The following RFC1 variants were observed in gnomAD, a reference collection of about 807,000 sequenced individuals.
The protein encoded by RFC1 is replication factor C subunit 1.
In RFC1, 37 loss-of-function variants were observed where a neutral mutation model predicts 137.4. The ratio of observed to expected loss-of-function variants is 0.27; its 90% CI spans 0.21 to 0.35. RFC1 has a LOEUF of 0.35. Ranked by LOEUF, RFC1 falls within the 10% of genes least tolerant of loss-of-function variation. The pLI is 1.00. For synonymous variants in RFC1, 429 were observed against 455.7 expected (o/e 0.94, Z 0.75); for missense variants, 1,205 against 1,358.5 (o/e 0.89, Z 1.78).
rs140065280 is a variant in RFC1 at position 39,300,300 on chromosome 4, C to T, written c.2650G>A (p.Val884Ile). Residue 884 changes from valine (V) to isoleucine (I), a missense_variant, in exon 20 of 25, where the codon GTC (valine) becomes ATC (isoleucine). Transcript: ENST00000349703. ...TTCACGTGTATGTAATTTTCCTGGA[C>T]GAAGAGGGGTGCTATTGAATAATCA... is the stretch of plus-strand genomic sequence containing the variant. ...FHDYSIAPLF[V>I]QENYIHVKPV... is the part of the protein sequence containing the mutation. 2.5e-5 allele frequency: 40 copies of T among 1,613,936 alleles called. No homozygotes were observed. The highest frequency in any genetic ancestry group is 6.7e-5 in the East Asian group (3 of 44,896).
At chr4:39,333,038 T>C (rs1035882001) in intron 4 of RFC1, among the ~76,000 whole-genome samples, 2 of 152,180 alleles carry the variant, frequency 1.3e-5, no homozygotes, top group Admixed American at 1.3e-4. Context: ...ATAAAAGTAG[T>C]ATTCTCTGGG....
At chr4:39,316,668 T>C (rs1372197789) in intron 10 of RFC1, among the ~76,000 whole-genome samples, 1 of 152,218 alleles carries the variant, frequency 6.6e-6, no homozygotes, top group African/African-American at 2.4e-5. Flanking sequence ...ATTAGTTTTG[T>C]CACTGGTATA....
In RFC1 at chr4:39,300,243, C is replaced by A; in HGVS notation, c.2690+17G>T. On this transcript the variant is annotated intron_variant, in intron 20 of 24. Coordinates refer to ENST00000349703, the MANE Select transcript of RFC1 (RefSeq NM_002913.5). The stretch of plus-strand genomic sequence containing the variant: ...GCTGGATACTAAGCACACCTCTCAC[C>A]AGCTCTGGACACTCACCCTGCTGCT... The A allele has an allele frequency of 6.2e-7, 1 of 1,613,984 alleles. No individual in the cohort carries two copies. The highest frequency in any genetic ancestry group is 8.5e-7 in the Non-Finnish European group (1 of 1,179,868).
intron 4 of RFC1, among the ~76,000 whole-genome samples, chr4:39,331,844 A>G (rs1054100102): frequency 6.6e-6 from 1 of 152,130 alleles, no homozygotes; most frequent in African/African-American, 2.4e-5. Context: ...AATATGGGTA[A>G]TTTTTATGTT....
At chr4:39,321,410 A>G (rs1308536224) in intron 7 of RFC1, 36 bp from the exon 8 acceptor site, 28 of 1,574,400 alleles carry the variant, frequency 1.8e-5, no homozygotes, top group African/African-American at 2.7e-5. Flanking sequence ...TGTGACAAAT[A>G]ATAGAAAAAC....
rs762236070 is a variant in RFC1, at chr4:39,291,802, C to T, written c.3005G>A (p.Arg1002Lys). ...GGTCAAGGGCTGTACAAGTGCATCCCTTAGAAGCGACAGATAATCCATGTT... is the reference window on the plus strand; with the variant it reads ...GGTCAAGGGCTGTACAAGTGCATCCTTTAGAAGCGACAGATAATCCATGTT... ...TVNMDYLSLLRDALVQPLTSQ... is the reference protein window; with the variant it reads ...TVNMDYLSLLKDALVQPLTSQ... Residue 1002 changes from arginine to lysine, a missense_variant, in exon 23 of 25, where the codon AGG becomes AAG. Transcript: ENST00000349703. 6.2e-7 allele frequency: 1 copy of T among 1,614,152 alleles called. No homozygotes were observed. The highest frequency in any genetic ancestry group is 8.5e-7 in the Non-Finnish European group (1 of 1,179,998).
chr4:39,358,830 C>T (rs1741608217), intron 1 of RFC1, among the ~76,000 whole-genome samples: 1 of 152,210 alleles, frequency 6.6e-6, no homozygotes, highest in Non-Finnish European at 1.5e-5. Flanking sequence ...TCCGGAACCA[C>T]ACACTCACAC....
At chr4:39,358,244 C>T (rs1181905754) in intron 1 of RFC1, among the ~76,000 whole-genome samples, 1 of 152,036 alleles carries the variant, frequency 6.6e-6, no homozygotes, top group Non-Finnish European at 1.5e-5. Flanking sequence ...CATTGCACTC[C>T]AGCCTGGCCA....
At chr4:39,304,398 A>G (rs1738525390) in intron 15 of RFC1, among the ~76,000 whole-genome samples, 1 of 152,182 alleles carries the variant, frequency 6.6e-6, no homozygotes, top group African/African-American at 2.4e-5. Flanking sequence ...TCAATGCCCC[A>G]AGCATAATTA....
chr4:39,314,892 A>G (rs1019596193), intron 10 of RFC1, among the ~76,000 whole-genome samples: 1 of 152,010 alleles, frequency 6.6e-6, no homozygotes, highest in Admixed American at 6.5e-5. Flanking sequence ...TCCTGCTGGT[A>G]TAACTTCCAT....
chr4:39,337,312 T>G (rs988930638), intron 4 of RFC1, among the ~76,000 whole-genome samples: 4 of 150,984 alleles, frequency 2.6e-5, no homozygotes, highest in African/African-American at 7.3e-5. Context: ...AGGCGGAGGT[T>G]GCGGTGACCC....
intron 2 of RFC1, among the ~76,000 whole-genome samples, chr4:39,348,437 A>AGAGAAG (rs1740991321): frequency 9.3e-6 from 1 of 107,054 alleles, no homozygotes. Flanking sequence ...AAGAAAAGAA[A>AGAGAAG]AGAAAAGAAA....
At chr4:39,321,443 A>G in intron 7 of RFC1, 69 bp from the exon 8 acceptor site, 1 of 1,411,366 alleles carries the variant, frequency 7.1e-7, no homozygotes, top group Non-Finnish European at 9.8e-7. Context: ...ATCTGTTGTT[A>G]AAATCCATCA....
rs563618138 is a variant in RFC1 at position 39,292,133 on chromosome 4, C to G, written c.2955-281G>C. 29 of 383,602 alleles carry G rather than the reference C, an allele frequency of 7.6e-5. No homozygotes were observed. The South Asian group carries it at 1.1e-3, about 14-fold the overall frequency. The allele number at this position is 383,602 out of a possible 1,614,324, so 23.8% of individuals were successfully genotyped here. ...TCTACTTCCACCCTACTCTTAAGGCCCAGGCAACAGAATGTTTCTTTGTGT... is the reference window on the plus strand; with the variant it reads ...TCTACTTCCACCCTACTCTTAAGGCGCAGGCAACAGAATGTTTCTTTGTGT... On this transcript the variant is annotated intron_variant, in intron 22 of 24. Transcript: ENST00000349703.
intron 13 of RFC1, 36 bp downstream of exon 13, chr4:39,308,600 A>AT: frequency 6.3e-7 from 1 of 1,584,074 alleles, no homozygotes; most frequent in Non-Finnish European, 8.6e-7. Context: ...ATGTTGATAT[A>AT]CACACACACA....
In RFC1 at chr4:39,288,617, A is replaced by G; in HGVS notation, c.*144T>C. The G allele has an allele frequency of 1.6e-6, 1 of 640,812 alleles. No individual in the cohort carries two copies. 39.7% of individuals were successfully genotyped at this position (640,812 alleles called of 1,614,324 possible). A position where few individuals can be genotyped will look rare whatever the true frequency, so the allele number is the denominator to read the frequency against. ...CTACTGCTCATACCCTTCTAGCCATACCACCCTTTATTTATAATGGGACAC... is the reference window on the plus strand; with the variant it reads ...CTACTGCTCATACCCTTCTAGCCATGCCACCCTTTATTTATAATGGGACAC... On this transcript the variant is annotated 3_prime_UTR_variant, in exon 25 of 25. Coordinates refer to ENST00000349703, the MANE Select transcript of RFC1 (RefSeq NM_002913.5).
intron 23 of RFC1, among the ~76,000 whole-genome samples, chr4:39,290,744 G>A (rs1286684341): frequency 6.6e-6 from 1 of 151,752 alleles, no homozygotes; most frequent in Non-Finnish European, 1.5e-5. Flanking sequence ...GAACCCGGGA[G>A]GCAGAGGTTG....
intron 12 of RFC1, among the ~76,000 whole-genome samples, chr4:39,310,563 G>A (rs1424066519): frequency 6.6e-6 from 1 of 152,178 alleles, no homozygotes; most frequent in African/African-American, 2.4e-5. Flanking sequence ...ATGGTCTACA[G>A]TGGGAATGAA....
chr4:39,303,287 G>T, intron 15 of RFC1, 136 bp from the exon 16 acceptor site: 30 of 501,750 alleles, frequency 6.0e-5, no homozygotes, highest in Middle Eastern at 3.4e-4. Flanking sequence ...GGACTACAGA[G>T]TGTTGTTAAA....
Sources: allele counts gnomAD v4.1 joint callset (sites outside exome capture counted in the v4.1 genomes callset), GRCh38; gene constraint gnomAD v4.1.1; transcripts MANE v1.5; gene names NCBI Gene and HGNC (gene_info 2026-07-23, HGNC 2026-07-21).